Variants in CDCA2 observed in about 807,000 individuals in gnomAD.
CDCA2 encodes cell division cycle-associated protein 2.
In CDCA2, 44 loss-of-function variants were observed where a neutral mutation model predicts 67.0. That is an observed-to-expected ratio of 0.66 (90% CI 0.52 to 0.84). CDCA2 has a LOEUF of 0.84. Among genes scored for constraint, CDCA2 ranks in the 40% least tolerant of loss-of-function variants. CDCA2 has a pLI of 0.00. For synonymous variants in CDCA2, 447 were observed against 418.7 expected (o/e 1.07, Z -0.82); for missense variants, 1,253 against 1,203.2 (o/e 1.04, Z -0.61).
chr8:25,478,746 C>T (rs540602171), intron 7 of CDCA2, among the ~76,000 whole-genome samples: 26 of 152,048 alleles, frequency 1.7e-4, no homozygotes, highest in Middle Eastern at 3.4e-3. Flanking sequence ...ATGTGTGGTT[C>T]GCCTTGTTCT....
chr8:25,466,906 G>C (rs1802922126), intron 5 of CDCA2, among the ~76,000 whole-genome samples: 1 of 151,892 alleles, frequency 6.6e-6, no homozygotes, highest in African/African-American at 2.4e-5. Flanking sequence ...GCCAGGCGTG[G>C]TGACACATGC....
chr8:25,480,166 T>G (rs754829855), intron 8 of CDCA2, 42 bp downstream of exon 8: 2 of 1,505,652 alleles, frequency 1.3e-6, no homozygotes, highest in Admixed American at 3.7e-5. Context: ...TGAATAAAAA[T>G]GCATTTTGCT....
At position 25,466,256 on chromosome 8, in the gene CDCA2, G is replaced by A. The variant is rs147918382; in HGVS notation, c.469G>A (p.Glu157Lys). The A allele has an allele frequency of 3.5e-4, 570 of 1,610,594 alleles. No individual in the cohort carries two copies. The highest frequency in any genetic ancestry group is 4.3e-4 in the Non-Finnish European group (502 of 1,179,194). The change falls in exon 5 of 15, where the codon GAA becomes AAA. Residue 157 changes from glutamate to lysine, a missense_variant. Physicochemically the swap from Glu to Lys is moderately conservative, Grantham distance 56 (BLOSUM62 1). Coordinates refer to ENST00000330560, the MANE Select transcript of CDCA2 (RefSeq NM_152562.4). ...AFQSAFHSIK[E>K]NEKMTGCLEF... ...CCAGTCAGCTTTTCACTCCATAAAG[G>A]AAAACGAGAAAATGACCGGCTGTCT...
intron 4 of CDCA2, among the ~76,000 whole-genome samples, chr8:25,464,971 T>C (rs1802841711): frequency 1.3e-5 from 2 of 152,026 alleles, no homozygotes; most frequent in African/African-American, 4.8e-5. Context: ...TTTCTCCCTG[T>C]GATATATATA....
chr8:25,495,685 G>A (rs1028209166), intron 13 of CDCA2, among the ~76,000 whole-genome samples: 9 of 152,152 alleles, frequency 5.9e-5, no homozygotes, highest in Non-Finnish European at 1.2e-4. Context: ...CTCCCAAAGT[G>A]CTGGGATTAC....
At chr8:25,461,034 G>A (rs943138917) in intron 3 of CDCA2, among the ~76,000 whole-genome samples, 9 of 152,068 alleles carry the variant, frequency 5.9e-5, no homozygotes, top group African/African-American at 9.7e-5. Context: ...TTGGGAGGCC[G>A]AGGCAGGCAG....
chr8:25,490,993 G>C (rs1193541121), intron 13 of CDCA2, among the ~76,000 whole-genome samples: 5 of 152,088 alleles, frequency 3.3e-5, no homozygotes, highest in Admixed American at 3.3e-4. Context: ...CAGAGAAATA[G>C]GTTATTCAAG....
chr8:25,496,544 A>G (rs893223363), intron 13 of CDCA2, among the ~76,000 whole-genome samples: 1 of 152,314 alleles, frequency 6.6e-6, no homozygotes, highest in Admixed American at 6.5e-5. Context: ...TACAAACCAT[A>G]CATCTGATAA....
chr8:25,470,589 C>G (rs1184662151), intron 7 of CDCA2, among the ~76,000 whole-genome samples: 1 of 152,054 alleles, frequency 6.6e-6, no homozygotes, highest in South Asian at 2.1e-4. Context: ...CTTTCATAGT[C>G]TGGTTAGTTG....
Position 25,480,119 on chromosome 8 carries a change from T to G in CDCA2, c.1027T>G (p.Leu343Val), listed in dbSNP as rs1331216535. 6.2e-7 allele frequency: 1 copy of G among 1,613,066 alleles called. No individual in the cohort carries two copies. The highest frequency in any genetic ancestry group is 1.7e-4 in the Middle Eastern group (1 of 6,056). ...CTCTGTTAAGATGTGTCTAGAGAGC[T>G]TACAGGTAAGAAGAGAGTTAAATTT... ...KPSVKMCLES[L>V]QEHCNNLYDD... is the part of the protein sequence containing the mutation. The change falls in exon 8 of 15, where the codon TTA becomes GTA. Residue 343 changes from leucine (L) to valine (V), a missense_variant. Physicochemically the swap from Leu to Val is conservative, Grantham distance 32 (BLOSUM62 1). Coordinates refer to ENST00000330560, the MANE Select transcript of CDCA2 (RefSeq NM_152562.4).
At position 25,466,190 on chromosome 8, in the gene CDCA2, T is replaced by C. The variant is rs1802894243; in HGVS notation, c.403T>C (p.Tyr135His). Residue 135 changes from tyrosine to histidine, a missense_variant, in exon 5 of 15, where the codon TAT becomes CAT. By Grantham distance (83) the Tyr-to-His change is moderately conservative. Transcript: ENST00000330560. ...DSPSQGSPAL[Y>H]RNVNTLRERI... Reference sequence around the variant, plus strand: ...ACTTTCACAGGGCAGCCCTGCACTGTATCGAAATGTTAACACTTTAAGAGA... The same window carrying C: ...ACTTTCACAGGGCAGCCCTGCACTGCATCGAAATGTTAACACTTTAAGAGA... 3 of 1,610,148 alleles carry C rather than the reference T, an allele frequency of 1.9e-6. No homozygotes were observed. In the African/African-American group the frequency reaches 4.0e-5, roughly 22 times the overall value.
chr8:25,483,955 T>G lies in CDCA2; in HGVS notation c.1121-11T>G, dbSNP rs745919154. 6.2e-7 allele frequency: 1 copy of G among 1,605,700 alleles called. No individual in the cohort carries two copies. Among genetic ancestry groups the G allele is most frequent in the Non-Finnish European group, 8.5e-7 (1 of 1,173,640 alleles). ...ATTTTTAAGTTACTCTCATTTATTG[T>G]CTAATTATAGAAGATGAAGAAAATT... is the stretch of plus-strand genomic sequence containing the variant. On this transcript the variant is annotated splice_polypyrimidine_tract_variant and intron_variant, in intron 9 of 14. Transcript: ENST00000330560.
intron 5 of CDCA2, among the ~76,000 whole-genome samples, chr8:25,467,041 CAAAAAA>C (rs59618544): frequency 8.1e-5 from 4 of 49,182 alleles, no homozygotes; most frequent in East Asian, 8.6e-4. Flanking sequence ...GAGTCCCTTT[CAAAAAA>C]AAAAAAAAAA....
intron 7 of CDCA2, among the ~76,000 whole-genome samples, chr8:25,474,871 G>A (rs142564891): frequency 3.3e-4 from 50 of 152,010 alleles, no homozygotes; most frequent in African/African-American, 1.2e-3. Context: ...GTGTGGATTC[G>A]GGCTTGCCTC....
chr8:25,505,183 C>T (rs182970813), intron 14 of CDCA2, among the ~76,000 whole-genome samples: 15 of 151,768 alleles, frequency 9.9e-5, no homozygotes, highest in African/African-American at 3.6e-4. Context: ...GGATTTTATG[C>T]GAAATACATA....
At position 25,484,022 on chromosome 8, in the gene CDCA2, G is replaced by C; in HGVS notation, c.1177G>C (p.Val393Leu). Residue 393 changes from valine to leucine, a missense_variant, in exon 10 of 15, where the codon GTT (valine) becomes CTT (leucine). Physicochemically the swap from Val to Leu is conservative, Grantham distance 32 (BLOSUM62 1). Transcript: ENST00000330560. ...AFLNMRKRKRVTFGEDLSPEV... is the reference protein window; with the variant it reads ...AFLNMRKRKRLTFGEDLSPEV... The stretch of plus-strand genomic sequence containing the variant: ...TCTAAATATGAGGAAGAGGAAGAGA[G>C]TTACTTTTGGAGAGGACTTAAGCCC... 1 of 1,614,180 alleles carries C rather than the reference G, an allele frequency of 6.2e-7. No individual in the cohort carries two copies. The highest frequency in any genetic ancestry group is 1.1e-5 in the South Asian group (1 of 91,090).
intron 13 of CDCA2, among the ~76,000 whole-genome samples, chr8:25,497,481 T>G: frequency 7.5e-6 from 1 of 132,820 alleles, no homozygotes; most frequent in Non-Finnish European, 1.6e-5. Flanking sequence ...CTTACTTACA[T>G]GTGGAATCTT....
At chr8:25,459,202 T>G (rs1586450268), upstream of CDCA2, 1 of 152,710 alleles carries the variant, frequency 6.5e-6, no homozygotes, top group East Asian at 1.9e-4. Flanking sequence ...GGTCGGGGAT[T>G]TGAATCGGTC....
chr8:25,460,463 A>T lies in CDCA2; in HGVS notation c.141A>T (p.Thr47=), dbSNP rs781562809. The change falls in exon 3 of 15, where the codon ACA becomes ACT. Residue 47 remains threonine, a synonymous_variant. Coordinates refer to ENST00000330560, the MANE Select transcript of CDCA2 (RefSeq NM_152562.4). ...KHAELPPNPC[T]PDTFKSPLNF... ...CCGAATTACCTCCTAATCCTTGCAC[A>T]CCAGATACTTTTAAATCACCTTTGA... 1.2e-6 allele frequency: 2 copies of T among 1,614,208 alleles called. No individual in the cohort carries two copies. Among genetic ancestry groups the T allele is most frequent in the Admixed American group, 1.7e-5 (1 of 60,026 alleles).
Sources: gnomAD v4.1 joint callset for allele counts (sites outside exome capture counted in the v4.1 genomes callset) on GRCh38, gnomAD v4.1.1 for gene constraint, MANE v1.5 for transcripts, NCBI Gene and HGNC (gene_info 2026-07-23, HGNC 2026-07-21) for gene names.